MAN1C1: variants seen among roughly 807,000 people sequenced by gnomAD.
The protein encoded by MAN1C1 is mannosidase alpha class 1C member 1, also known as mannosyl-oligosaccharide 1,2-alpha-mannosidase IC.
Under a neutral mutation model 71.5 loss-of-function variants are expected in MAN1C1, and 49 were observed. The ratio of observed to expected loss-of-function variants is 0.69; its 90% CI spans 0.54 to 0.87. MAN1C1 has a LOEUF of 0.87. Ranked by LOEUF, MAN1C1 falls within the 40% of genes least tolerant of loss-of-function variation. The pLI is 0.00. For missense variants in MAN1C1, 743 were observed against 835.0 expected, an observed-to-expected ratio of 0.89 and a Z score of 1.36; for synonymous variants, 352 against 343.7, an observed-to-expected ratio of 1.02 and a Z score of -0.27.
Position 25,779,648 on chromosome 1 carries a change from C to T in MAN1C1, c.1478-1292C>T, listed in dbSNP as rs933819787. On this transcript the variant is annotated intron_variant, in intron 9 of 11. Transcript: ENST00000374332. The surrounding 1 kb of genome is among the most constrained non-coding windows in gnomAD (Gnocchi z 4.6). Reference sequence around the variant, plus strand: ...AGCCAGCCTCGGCTTGTCCTGTGGACGCCTGTAGCAGTGGCTCCTGCCTTC... The same window carrying T: ...AGCCAGCCTCGGCTTGTCCTGTGGATGCCTGTAGCAGTGGCTCCTGCCTTC... Among the ~76,000 whole-genome samples, 1 of 152,076 alleles carries T rather than the reference C, an allele frequency of 6.6e-6. No individual in the cohort carries two copies. The highest frequency in any genetic ancestry group is 1.5e-5 in the Non-Finnish European group (1 of 68,016).
At chr1:25,733,945 G>T (rs1337481283) in intron 2 of MAN1C1, among the ~76,000 whole-genome samples, 1 of 151,494 alleles carries the variant, frequency 6.6e-6, no homozygotes, top group Non-Finnish European at 1.5e-5. Flanking sequence ...GACTACAGGC[G>T]CCCGCCACCA....
In MAN1C1 at chr1:25,775,064, G is replaced by A. The variant is rs545489479; in HGVS notation, c.1258-3041G>A. Among the ~76,000 whole-genome samples the A allele has an allele frequency of 6.6e-6, 1 of 152,346 alleles. No individual in the cohort carries two copies. The highest frequency in any genetic ancestry group is 1.5e-5 in the Non-Finnish European group (1 of 68,034). On this transcript the variant is annotated intron_variant, in intron 8 of 11. Coordinates refer to ENST00000374332, the MANE Select transcript of MAN1C1 (RefSeq NM_020379.4). The surrounding 1 kb of genome is among the most constrained non-coding windows in gnomAD (Gnocchi z 5.1). Reference sequence around the variant, plus strand: ...CCAACCCCCAGTGGAAATAATGTGTGGGAGGCGGTCTGGAAGGTGCAGGTG... The same window carrying A: ...CCAACCCCCAGTGGAAATAATGTGTAGGAGGCGGTCTGGAAGGTGCAGGTG...
At chr1:25,739,210 G>A (rs1336660748) in intron 2 of MAN1C1, among the ~76,000 whole-genome samples, 1 of 152,144 alleles carries the variant, frequency 6.6e-6, no homozygotes, top group Non-Finnish European at 1.5e-5. Flanking sequence ...GGTCTGCCCA[G>A]GTTCAAGGGG....
chr1:25,628,181 T>C lies in MAN1C1; in HGVS notation c.540+9844T>C, dbSNP rs149563389. Among the ~76,000 whole-genome samples, 16 of 152,290 alleles carry C rather than the reference T, an allele frequency of 1.1e-4. No individual in the cohort carries two copies. The East Asian group carries it at 3.1e-3, about 29-fold the overall frequency. Reference sequence around the variant, plus strand: ...GATTTTCTTTAATTTCTCTCAACAGTGTTTTGAATAGTGTTTATGTTCAAG... The same window carrying C: ...GATTTTCTTTAATTTCTCTCAACAGCGTTTTGAATAGTGTTTATGTTCAAG... On this transcript the variant is annotated intron_variant, in intron 1 of 11. Coordinates refer to ENST00000374332, the MANE Select transcript of MAN1C1 (RefSeq NM_020379.4).
At chr1:25,689,601 G>A (rs754510552) in intron 2 of MAN1C1, among the ~76,000 whole-genome samples, 1 of 152,166 alleles carries the variant, frequency 6.6e-6, no homozygotes, top group African/African-American at 2.4e-5. Context: ...GAACCCATGA[G>A]GGGCATTGAA....
chr1:25,633,592 A>G (rs2045416236), intron 1 of MAN1C1, among the ~76,000 whole-genome samples: 1 of 148,244 alleles, frequency 6.7e-6, no homozygotes, highest in Admixed American at 6.7e-5. Context: ...ATATAAGAAT[A>G]GTTATTCTTG....
rs368051182 is a variant in MAN1C1 at position 25,628,712 on chromosome 1, A to G, written c.540+10375A>G. On this transcript the variant is annotated intron_variant, in intron 1 of 11. Transcript: ENST00000374332. Reference sequence around the variant, plus strand: ...ATTTTAGTGCCCCCTTAATCCAAGTAGTATAGATTGTACTCAGTATATAGG... The same window carrying G: ...ATTTTAGTGCCCCCTTAATCCAAGTGGTATAGATTGTACTCAGTATATAGG... Among the ~76,000 whole-genome samples, 5 of 152,314 alleles carry G rather than the reference A, an allele frequency of 3.3e-5. No individual in the cohort carries two copies. In the East Asian group the frequency reaches 7.7e-4, roughly 23 times the overall value.
chr1:25,642,189 T>C (rs1258760015), intron 1 of MAN1C1, among the ~76,000 whole-genome samples: 1 of 152,216 alleles, frequency 6.6e-6, no homozygotes, highest in Non-Finnish European at 1.5e-5. Flanking sequence ...CTCCTGTGGC[T>C]GCCTCTGCTA....
chr1:25,660,462 G>A (rs1472742470), intron 1 of MAN1C1, among the ~76,000 whole-genome samples: 1 of 132,822 alleles, frequency 7.5e-6, no homozygotes, highest in Admixed American at 8.8e-5. Flanking sequence ...GTGCCATCTC[G>A]GCTCACTGCA....
intron 1 of MAN1C1, among the ~76,000 whole-genome samples, chr1:25,636,421 A>G (rs893256120): frequency 6.6e-5 from 10 of 152,242 alleles, no homozygotes; most frequent in Admixed American, 2.0e-4. Flanking sequence ...TCCCCAGGGT[A>G]TTAATTATTA....
At chr1:25,666,960 G>C (rs1169507969) in intron 1 of MAN1C1, among the ~76,000 whole-genome samples, 1 of 58 alleles carries the variant, frequency 0.017, no homozygotes, top group Non-Finnish European at 0.042. Context: ...CTGGCAGGAG[G>C]CTGCTGTTTC....
chr1:25,656,183 T>G (rs2045764341), intron 1 of MAN1C1, among the ~76,000 whole-genome samples: 1 of 143,056 alleles, frequency 7.0e-6, no homozygotes, highest in Non-Finnish European at 1.5e-5. Context: ...CTGCAACCTC[T>G]GCCTCCCAGG....
chr1:25,742,682 C>A (rs1022341060), intron 2 of MAN1C1, among the ~76,000 whole-genome samples: 1 of 152,176 alleles, frequency 6.6e-6, no homozygotes, highest in East Asian at 1.9e-4. Flanking sequence ...CTAGTGTCAC[C>A]GCCATTTTGC....
intron 2 of MAN1C1, among the ~76,000 whole-genome samples, chr1:25,734,220 A>C (rs2046950755): frequency 6.6e-6 from 1 of 152,060 alleles, no homozygotes; most frequent in African/African-American, 2.4e-5. Flanking sequence ...CCTCCACCTC[A>C]TGGGTTCAAG....
intron 2 of MAN1C1, among the ~76,000 whole-genome samples, chr1:25,723,156 CA>C (rs956532986): frequency 6.6e-6 from 1 of 152,120 alleles, no homozygotes; most frequent in African/African-American, 2.4e-5. Context: ...GTGGGCAATC[CA>C]AAAATCTTCA....
chr1:25,727,594 A>C (rs921434687), intron 2 of MAN1C1, among the ~76,000 whole-genome samples: 1 of 152,240 alleles, frequency 6.6e-6, no homozygotes, highest in Non-Finnish European at 1.5e-5. Flanking sequence ...GCAAAAGGAC[A>C]CGGAGTGCCC....
At position 25,627,279 on chromosome 1, in the gene MAN1C1, G is replaced by C. The variant is rs200541471; in HGVS notation, c.540+8942G>C. On this transcript the variant is annotated intron_variant, in intron 1 of 11. Coordinates refer to ENST00000374332, the MANE Select transcript of MAN1C1 (RefSeq NM_020379.4). ...CTCTTCTCTTCTCTTCTCTTCTCTT[G>C]TCTTCTCTTCTTCTCTTCTCTTCTC... is the stretch of plus-strand genomic sequence containing the variant. Among the ~76,000 whole-genome samples the C allele has an allele frequency of 4.0e-3, 550 of 138,486 alleles. 5 individuals carry two copies. Among genetic ancestry groups the C allele is most frequent in the African/African-American group, 0.016 (524 of 33,710 alleles). The allele number at this position is 138,486 out of a possible 152,430, so 90.9% of individuals were successfully genotyped here.
At chr1:25,661,584 C>G (rs1310107954) in intron 1 of MAN1C1, among the ~76,000 whole-genome samples, 1 of 152,148 alleles carries the variant, frequency 6.6e-6, no homozygotes, top group Non-Finnish European at 1.5e-5. Flanking sequence ...TTAGCTTGAG[C>G]ACAGGGTCTG....
intron 6 of MAN1C1, chr1:25,761,584 C>T (rs567777926): frequency 1.3e-5 from 2 of 150,134 alleles, no homozygotes; most frequent in East Asian, 3.9e-4. Context: ...TCTCCCCAAC[C>T]CTTGGTAACC....
Sources: gnomAD v4.1 joint callset for allele counts (sites outside exome capture counted in the v4.1 genomes callset) on GRCh38, gnomAD v4.1.1 for gene constraint, Gnocchi (gnomAD v3.1) non-coding constraint, MANE v1.5 for transcripts, NCBI Gene and HGNC (gene_info 2026-07-23, HGNC 2026-07-21) for gene names.